RGS12: variants seen among roughly 807,000 people sequenced by gnomAD.
The protein encoded by RGS12 is regulator of G-protein signaling 12.
A neutral mutation model predicts 120.1 loss-of-function variants in RGS12; 66 were observed. The ratio of observed to expected loss-of-function variants is 0.55; its 90% CI spans 0.45 to 0.67. The LOEUF (loss-of-function observed/expected upper bound fraction) is 0.67, where lower values mean the gene tolerates loss of function less well. Ranked by LOEUF, RGS12 falls within the 30% of genes least tolerant of loss-of-function variation. The probability of loss-of-function intolerance (pLI) is 0.00; values close to 1 mark genes in which losing one functional copy is unlikely to be tolerated. For synonymous variants in RGS12, 827 were observed against 804.7 expected (o/e 1.03, Z -0.47); for missense variants, 1,859 against 1,957.7 (o/e 0.95, Z 0.95).
At chr4:3,406,213 G>A (rs374203092) in intron 4 of RGS12, among the ~76,000 whole-genome samples, 2 of 152,214 alleles carry the variant, frequency 1.3e-5, no homozygotes, top group Admixed American at 1.3e-4. Flanking sequence ...CGGCCAGGGC[G>A]GGCTCAGAGC....
intron 1 of RGS12, among the ~76,000 whole-genome samples, chr4:3,297,336 C>T (rs756700526): frequency 6.6e-6 from 1 of 152,186 alleles, no homozygotes; most frequent in Non-Finnish European, 1.5e-5. Flanking sequence ...TCCTGCCCTG[C>T]CTGGCCGCAG....
At chr4:3,307,867 G>A (rs941042742) in intron 1 of RGS12, among the ~76,000 whole-genome samples, 4 of 152,246 alleles carry the variant, frequency 2.6e-5, no homozygotes, top group African/African-American at 4.8e-5. Context: ...TTTAAAAAGG[G>A]TCCTTCCTTC....
intron 2 of RGS12, among the ~76,000 whole-genome samples, chr4:3,321,207 T>C (rs901828769): frequency 6.6e-6 from 1 of 152,016 alleles, no homozygotes; most frequent in Non-Finnish European, 1.5e-5. Context: ...AGGTCATCAG[T>C]GTGGAAAGGG....
rs1178030343 is a variant in RGS12, at chr4:3,317,776, C to T, written c.1606C>T (p.Arg536Cys). 4.3e-6 allele frequency: 7 copies of T among 1,613,432 alleles called. No individual in the cohort carries two copies. Among genetic ancestry groups the T allele is most frequent in the Non-Finnish European group, 5.1e-6 (6 of 1,179,972 alleles). ...GGGTGCTGGCTGTGGTTTCAACCAGCGCTGGCTCCCGGTCCACGTGCTCCG... is the reference window on the plus strand; with the variant it reads ...GGGTGCTGGCTGTGGTTTCAACCAGTGCTGGCTCCCGGTCCACGTGCTCCG... ...TVGAGCGFNQ[R>C]WLPVHVLREW... is the part of the protein sequence containing the mutation. The change falls in exon 2 of 18, where the codon CGC becomes TGC. Residue 536 changes from arginine to cysteine, a missense_variant. This residue lies in a region of RGS12 where 967 missense variants were observed against 994.2 expected (regional missense o/e 0.97). Coordinates refer to ENST00000336727, the MANE Select transcript of RGS12 (RefSeq NM_001394154.1).
Position 3,420,803 on chromosome 4 carries a change from G to A in RGS12, c.2838+85G>A, listed in dbSNP as rs1416898698. 3.4e-6 allele frequency: 4 copies of A among 1,172,790 alleles called. No homozygotes were observed. The African/African-American group carries it at 6.1e-5, about 18-fold the overall frequency. 72.6% of individuals were successfully genotyped at this position (1,172,790 alleles called of 1,614,324 possible). A position where few individuals can be genotyped will look rare whatever the true frequency, so the allele number is the denominator to read the frequency against. On this transcript the variant is annotated intron_variant, in intron 10 of 17. Transcript: ENST00000336727. The stretch of plus-strand genomic sequence containing the variant: ...TGACACCTCTCTCCCATGGAAACCT[G>A]TGTTTACAAAACTCAGCGTTCACTT...
At chr4:3,439,080 C>G (rs1725072995) in intron 17 of RGS12, among the ~76,000 whole-genome samples, 1 of 151,838 alleles carries the variant, frequency 6.6e-6, no homozygotes, top group Non-Finnish European at 1.5e-5. Context: ...AGGATGGGCC[C>G]TGGGCCTGGG....
In RGS12 at chr4:3,317,830, C is replaced by T. The variant is rs759557676; in HGVS notation, c.1660C>T (p.Gln554Ter). 1.2e-6 allele frequency: 2 copies of T among 1,613,288 alleles called. No individual in the cohort carries two copies. The highest frequency in any genetic ancestry group is 1.7e-6 in the Non-Finnish European group (2 of 1,179,774). ...REWQCGHTSD[Q>*]DSYTDSTDGW... ...GTGGCAGTGCGGACACACCAGCGAC[C>T]AGGACTCTTACACAGATTCCACCGA... The change falls in exon 2 of 18, where the codon CAG (glutamine) becomes TAG (stop). Residue 554 changes from glutamine (Q) to a stop codon, truncating the protein, a stop_gained. Coordinates refer to ENST00000336727, the MANE Select transcript of RGS12 (RefSeq NM_001394154.1). LOFTEE classifies it high-confidence loss of function.
chr4:3,364,278 C>T (rs749940214), intron 3 of RGS12, among the ~76,000 whole-genome samples: 1 of 152,158 alleles, frequency 6.6e-6, no homozygotes, highest in South Asian at 2.1e-4. Context: ...TCGTTACGTC[C>T]ATCTGCCGTA....
intron 2 of RGS12, among the ~76,000 whole-genome samples, chr4:3,322,523 G>T (rs774647622): frequency 6.6e-6 from 1 of 152,104 alleles, no homozygotes; most frequent in African/African-American, 2.4e-5. Context: ...TGATTGCCTT[G>T]TGTTTCATTT....
rs1391408037 is a variant in RGS12 at position 3,390,417 on chromosome 4, C to T, written c.2020+3980C>T. 1.3e-5 allele frequency among the ~76,000 whole-genome samples: 2 copies of T among 152,234 alleles called. No individual in the cohort carries two copies. Among genetic ancestry groups the T allele is most frequent in the Non-Finnish European group, 2.9e-5 (2 of 68,036 alleles). On this transcript the variant is annotated intron_variant, in intron 4 of 17. Coordinates refer to ENST00000336727, the MANE Select transcript of RGS12 (RefSeq NM_001394154.1). This position sits in a 1 kb window ranked among gnomAD's most constrained non-coding sequence, Gnocchi z 4.6. Reference sequence around the variant, plus strand: ...AGTGAATGATCGGGTGTTCAGCAGACATCAGCCAGAGCGTCAGGGCGAGGC... The same window carrying T: ...AGTGAATGATCGGGTGTTCAGCAGATATCAGCCAGAGCGTCAGGGCGAGGC...
intron 4 of RGS12, among the ~76,000 whole-genome samples, chr4:3,406,732 G>C (rs1249643221): frequency 6.6e-6 from 1 of 152,236 alleles, no homozygotes; most frequent in Non-Finnish European, 1.5e-5. Context: ...TCAGAGATGA[G>C]GCCCTGCTCG....
intron 3 of RGS12, chr4:3,370,243 G>A (rs1716826341): frequency 6.2e-7 from 1 of 1,613,600 alleles, no homozygotes; most frequent in African/African-American, 1.3e-5. Flanking sequence ...AGACCCGGGT[G>A]CCTAGTGTGG....
At chr4:3,430,333 T>C in intron 16 of RGS12, 74 bp from the exon 17 acceptor site, 2 of 1,374,516 alleles carry the variant, frequency 1.5e-6, no homozygotes, top group Non-Finnish European at 2.0e-6. Context: ...GAGAGCTTTC[T>C]AGAATGTTCT....
intron 1 of RGS12, among the ~76,000 whole-genome samples, chr4:3,310,647 G>T (rs1236127014): frequency 6.6e-6 from 1 of 152,122 alleles, no homozygotes; most frequent in African/African-American, 2.4e-5. Context: ...GCATGGGGCG[G>T]GTATCAGATC....
In RGS12 at chr4:3,305,509, C is replaced by T. The variant is rs778369248; in HGVS notation, c.-101-10561C>T. On this transcript the variant is annotated intron_variant, in intron 1 of 17. Transcript: ENST00000336727. ...GATGCAGCTCCTGGGGTGCACGGTA[C>T]CCCGGTCTATTGACCTGAACTAGAG... is the stretch of plus-strand genomic sequence containing the variant. 1.9e-3 allele frequency among the ~76,000 whole-genome samples: 282 copies of T among 152,366 alleles called. 5 individuals are homozygous for T. The highest frequency in any genetic ancestry group is 5.7e-4 in the Non-Finnish European group (39 of 68,040).
rs1719220707 is a variant in RGS12 at position 3,389,387 on chromosome 4, G to C, written c.2020+2950G>C. 6.6e-6 allele frequency among the ~76,000 whole-genome samples: 1 copy of C among 152,138 alleles called. No individual in the cohort carries two copies. The highest frequency in any genetic ancestry group is 6.5e-5 in the Admixed American group (1 of 15,278). ...TTATAGAGAGGCTTAGCAGGGGAAT[G>C]GTCTGCCTTGTGGGAAGTTATTCAG... is the stretch of plus-strand genomic sequence containing the variant. On this transcript the variant is annotated intron_variant, in intron 4 of 17. Coordinates refer to ENST00000336727, the MANE Select transcript of RGS12 (RefSeq NM_001394154.1). This position sits in a 1 kb window ranked among gnomAD's most constrained non-coding sequence, Gnocchi z 5.2.
chr4:3,418,706 C>T (rs1722677266), intron 9 of RGS12: 1 of 152,246 alleles, frequency 6.6e-6, no homozygotes, highest in Non-Finnish European at 1.5e-5. Flanking sequence ...GTGCTCTTCT[C>T]CGAGCAAAGG....
intron 4 of RGS12, among the ~76,000 whole-genome samples, chr4:3,408,423 G>T (rs1295927753): frequency 1.3e-5 from 2 of 152,160 alleles, no homozygotes; most frequent in East Asian, 1.9e-4. Context: ...GTGCTCAGGG[G>T]GCTCTGCCTC....
chr4:3,437,572 A>C (rs1025490698), intron 17 of RGS12, among the ~76,000 whole-genome samples: 1 of 152,144 alleles, frequency 6.6e-6, no homozygotes, highest in African/African-American at 2.4e-5. Context: ...GATGGGCAGA[A>C]CTGTCCCCTT....
Sources: gnomAD v4.1 joint callset for allele counts (sites outside exome capture counted in the v4.1 genomes callset) on GRCh38, gnomAD v4.1.1 for gene constraint, gnomAD v4.1.1 regional missense constraint, Gnocchi (gnomAD v3.1) non-coding constraint, MANE v1.5 for transcripts, NCBI Gene and HGNC (gene_info 2026-07-23, HGNC 2026-07-21) for gene names.